CNTNAP2: variants seen among roughly 807,000 people sequenced by gnomAD.
The protein encoded by CNTNAP2 is contactin associated protein 2.
A neutral mutation model predicts 155.2 loss-of-function variants in CNTNAP2; 98 were observed. The ratio of observed to expected loss-of-function variants is 0.63; its 90% confidence interval spans 0.54 to 0.75. CNTNAP2 has a LOEUF of 0.75. Ranked by LOEUF, CNTNAP2 falls within the 30% of genes least tolerant of loss-of-function variation. The pLI, the probability that CNTNAP2 is intolerant of heterozygous loss-of-function variation, is 0.00. For missense variants in CNTNAP2, 1,727 were observed against 1,688.1 expected (o/e 1.02, Z -0.40); for synonymous variants, 651 against 631.2 (o/e 1.03, Z -0.47).
intron 12 of CNTNAP2, among the ~76,000 whole-genome samples, chr7:147,616,331 A>G (rs1241642404): frequency 6.6e-6 from 1 of 152,170 alleles, no homozygotes; most frequent in Non-Finnish European, 1.5e-5. Flanking sequence ...AATTACAACT[A>G]AAAGCATAAA....
intron 12 of CNTNAP2, among the ~76,000 whole-genome samples, chr7:147,615,442 CTG>C (rs933531689): frequency 5.8e-5 from 5 of 86,204 alleles, no homozygotes; most frequent in African/African-American, 2.6e-4. Flanking sequence ...TCAAAAAAAA[CTG>C]TTAAAAAAAA....
At chr7:148,185,739 C>A (rs758742656) in intron 18 of CNTNAP2, among the ~76,000 whole-genome samples, 2 of 152,154 alleles carry the variant, frequency 1.3e-5, no homozygotes, top group Non-Finnish European at 2.9e-5. Flanking sequence ...TCTATTTTAG[C>A]CTGTTGACTT....
At chr7:147,460,985 C>T (rs1186559624) in intron 10 of CNTNAP2, among the ~76,000 whole-genome samples, 1 of 152,046 alleles carries the variant, frequency 6.6e-6, no homozygotes, top group Non-Finnish European at 1.5e-5. Context: ...GAAGTTGTGT[C>T]GTGATGGTAT....
At chr7:147,698,108 T>A (rs1796188285) in intron 13 of CNTNAP2, among the ~76,000 whole-genome samples, 1 of 152,176 alleles carries the variant, frequency 6.6e-6, no homozygotes, top group South Asian at 2.1e-4. Context: ...TGTCCACCTG[T>A]CTATCTCTCC....
At chr7:147,616,228 G>T (rs1408405688) in intron 12 of CNTNAP2, among the ~76,000 whole-genome samples, 2 of 151,972 alleles carry the variant, frequency 1.3e-5, no homozygotes, top group African/African-American at 4.8e-5. Flanking sequence ...AAGTCTAAGT[G>T]ACCATCTCCC....
chr7:148,293,075 AAAT>A (rs1797217674), intron 21 of CNTNAP2, among the ~76,000 whole-genome samples: 12 of 40,608 alleles, frequency 3.0e-4, no homozygotes, highest in African/African-American at 8.8e-4. Context: ...GACAAAAAAT[AAAT>A]AAAATAAAAT....
chr7:147,467,659 C>T (rs1430725384), intron 10 of CNTNAP2, among the ~76,000 whole-genome samples: 1 of 151,532 alleles, frequency 6.6e-6, no homozygotes. Context: ...CTTATACCCA[C>T]TAAATACAAA....
chr7:146,398,647 C>T (rs1212167594), intron 1 of CNTNAP2, among the ~76,000 whole-genome samples: 1 of 152,162 alleles, frequency 6.6e-6, no homozygotes, highest in Non-Finnish European at 1.5e-5. Context: ...AGTAGCTCAA[C>T]TCTGGAGTAA....
intron 8 of CNTNAP2, among the ~76,000 whole-genome samples, chr7:147,159,958 T>C (rs1351539822): frequency 6.6e-6 from 1 of 151,868 alleles, no homozygotes; most frequent in Admixed American, 6.6e-5. Context: ...GTACAAAAGT[T>C]GCAAAACAGA....
chr7:146,513,329 G>C (rs1166689146), intron 1 of CNTNAP2, among the ~76,000 whole-genome samples: 2 of 151,782 alleles, frequency 1.3e-5, no homozygotes, highest in African/African-American at 4.8e-5. Flanking sequence ...ACTTACTACT[G>C]CCATTTGGTT....
At chr7:147,224,237 T>A (rs1332645828) in intron 8 of CNTNAP2, among the ~76,000 whole-genome samples, 4 of 152,324 alleles carry the variant, frequency 2.6e-5, no homozygotes, top group South Asian at 4.1e-4. Flanking sequence ...GAATGGCAAC[T>A]TCCAAGCTCC....
chr7:147,897,736 G>A (rs1799799741), intron 13 of CNTNAP2, among the ~76,000 whole-genome samples: 1 of 152,164 alleles, frequency 6.6e-6, no homozygotes, highest in African/African-American at 2.4e-5. Context: ...ATTTCTTTCG[G>A]TGGTTGAGAT....
At chr7:148,095,509 A>G (rs112694811) in intron 15 of CNTNAP2, among the ~76,000 whole-genome samples, 1,793 of 152,332 alleles carry the variant, frequency 0.012, 37 homozygotes, top group African/African-American at 0.041. Context: ...GCTTCTGTAG[A>G]AAAGATCATC....
At chr7:146,152,364 G>T (rs1427474515) in intron 1 of CNTNAP2, among the ~76,000 whole-genome samples, 2 of 152,094 alleles carry the variant, frequency 1.3e-5, no homozygotes, top group East Asian at 1.9e-4. Context: ...GCGAGGGATG[G>T]TTGGGGTACT....
intron 18 of CNTNAP2, among the ~76,000 whole-genome samples, chr7:148,193,021 T>TA (rs952095599): frequency 6.6e-6 from 1 of 152,336 alleles, no homozygotes; most frequent in Non-Finnish European, 1.5e-5. Flanking sequence ...GTTCTCTTTT[T>TA]AAAAAATGAA....
chr7:147,411,424 T>C (rs1797100412), intron 10 of CNTNAP2, among the ~76,000 whole-genome samples: 1 of 152,222 alleles, frequency 6.6e-6, no homozygotes, highest in Non-Finnish European at 1.5e-5. Flanking sequence ...TGCTTTCAGC[T>C]GTTAGGAACA....
At chr7:146,679,581 G>A (rs898970268) in intron 1 of CNTNAP2, among the ~76,000 whole-genome samples, 1 of 151,604 alleles carries the variant, frequency 6.6e-6, no homozygotes, top group African/African-American at 2.4e-5. Flanking sequence ...GGTCTCGAAC[G>A]CCTGACCTCA....
At chr7:147,339,449 A>G (rs908736947) in intron 9 of CNTNAP2, among the ~76,000 whole-genome samples, 2 of 152,106 alleles carry the variant, frequency 1.3e-5, no homozygotes, top group Non-Finnish European at 2.9e-5. Context: ...CCATGAGTGG[A>G]AGCAGCACAA....
At chr7:148,313,729 G>C (rs967059427) in intron 21 of CNTNAP2, among the ~76,000 whole-genome samples, 3 of 152,142 alleles carry the variant, frequency 2.0e-5, no homozygotes, top group Non-Finnish European at 4.4e-5. Flanking sequence ...TCTGAGCACC[G>C]GAATTTAATT....
Sources: allele counts gnomAD v4.1 joint callset (sites outside exome capture counted in the v4.1 genomes callset), GRCh38; gene constraint gnomAD v4.1.1; transcripts MANE v1.5; gene names NCBI Gene and HGNC (gene_info 2026-07-23, HGNC 2026-07-21).